XIRP2: variants seen among roughly 807,000 people sequenced by gnomAD.
The protein encoded by XIRP2 is xin actin-binding repeat-containing protein 2.
A neutral mutation model predicts 277.0 loss-of-function variants in XIRP2; 236 were observed. The observed-to-expected ratio is 0.85, with a 90% CI of 0.77 to 0.95. The LOEUF is 0.95. Among genes scored for constraint, XIRP2 ranks in the 40% least tolerant of loss-of-function variants. The probability of loss-of-function intolerance (pLI) is 0.00; values close to 1 mark genes in which losing one functional copy is unlikely to be tolerated. For missense variants in XIRP2, 4,640 were observed against 4,157.5 expected, an observed-to-expected ratio of 1.12 and a Z score of -3.19; for synonymous variants, 1,490 against 1,416.5, an observed-to-expected ratio of 1.05 and a Z score of -1.17.
intron 2 of XIRP2, among the ~76,000 whole-genome samples, chr2:167,050,655 TG>T (rs1688891533): frequency 6.6e-6 from 1 of 151,898 alleles, no homozygotes; most frequent in South Asian, 2.1e-4. Flanking sequence ...GAGGGAAAGC[TG>T]GGAGAATTGA....
At chr2:167,044,616 G>A (rs1020124234) in intron 2 of XIRP2, among the ~76,000 whole-genome samples, 1 of 152,008 alleles carries the variant, frequency 6.6e-6, no homozygotes, top group African/African-American at 2.4e-5. Context: ...TAGCATTTCT[G>A]TGCACCACTA....
At chr2:166,958,451 T>C (rs1460456936) in intron 2 of XIRP2, among the ~76,000 whole-genome samples, 4 of 151,818 alleles carry the variant, frequency 2.6e-5, no homozygotes, top group Admixed American at 2.6e-4. Flanking sequence ...CTGGTGATCT[T>C]CAGTAAGTAT....
intron 2 of XIRP2, among the ~76,000 whole-genome samples, chr2:166,946,652 T>TGATA (rs987860333): frequency 6.6e-6 from 1 of 152,084 alleles, no homozygotes; most frequent in Non-Finnish European, 1.5e-5. Context: ...GAATGATAGA[T>TGATA]GATAGATAGA....
chr2:167,151,242 A>C (rs1382142464), intron 3 of XIRP2, among the ~76,000 whole-genome samples: 1 of 152,128 alleles, frequency 6.6e-6, no homozygotes, highest in Non-Finnish European at 1.5e-5. Flanking sequence ...CAGGTATCTT[A>C]AGTGATGTCG....
intron 3 of XIRP2, among the ~76,000 whole-genome samples, chr2:167,190,305 G>A (rs1573944225): frequency 6.6e-6 from 1 of 152,036 alleles, no homozygotes; most frequent in African/African-American, 2.4e-5. Flanking sequence ...CAAACATGGG[G>A]TTGAATGTTC....
intron 2 of XIRP2, among the ~76,000 whole-genome samples, chr2:167,101,678 A>G (rs969871343): frequency 6.6e-6 from 1 of 152,166 alleles, no homozygotes; most frequent in Non-Finnish European, 1.5e-5. Flanking sequence ...GAATATGTAC[A>G]TATATACTTT....
At chr2:167,183,738 C>A (rs1238598308) in intron 3 of XIRP2, among the ~76,000 whole-genome samples, 1 of 151,708 alleles carries the variant, frequency 6.6e-6, no homozygotes, top group Non-Finnish European at 1.5e-5. Context: ...ACACCTGCTT[C>A]CTTGAAAAGT....
At chr2:166,937,044 A>G (rs1468148453) in intron 2 of XIRP2, among the ~76,000 whole-genome samples, 1 of 152,150 alleles carries the variant, frequency 6.6e-6, no homozygotes, top group Non-Finnish European at 1.5e-5. Context: ...CCTATCCATG[A>G]GCATGGAATG....
At chr2:167,096,176 C>T (rs567063189) in intron 2 of XIRP2, among the ~76,000 whole-genome samples, 3 of 152,024 alleles carry the variant, frequency 2.0e-5, no homozygotes, top group Non-Finnish European at 4.4e-5. Flanking sequence ...TCTATCTAGT[C>T]CTGGGCTTTT....
intron 2 of XIRP2, among the ~76,000 whole-genome samples, chr2:166,912,275 A>G (rs540666144): frequency 6.6e-6 from 1 of 152,170 alleles, no homozygotes; most frequent in Non-Finnish European, 1.5e-5. Flanking sequence ...CTTTTCACAT[A>G]GTCCCATATT....
At chr2:166,928,761 T>A (rs1389658271) in intron 2 of XIRP2, among the ~76,000 whole-genome samples, 1 of 152,134 alleles carries the variant, frequency 6.6e-6, no homozygotes, top group East Asian at 1.9e-4. Flanking sequence ...AATATTTGTA[T>A]GTATGTCTGA....
chr2:166,950,988 G>A (rs959394568), intron 2 of XIRP2, among the ~76,000 whole-genome samples: 3 of 151,352 alleles, frequency 2.0e-5, no homozygotes, highest in Non-Finnish European at 4.4e-5. Context: ...AACATGGAGA[G>A]TATTTGGGAT....
At chr2:167,218,391 C>A in intron 5 of XIRP2, 91 bp downstream of exon 5, 1 of 1,147,070 alleles carries the variant, frequency 8.7e-7, no homozygotes, top group Non-Finnish European at 1.1e-6. Context: ...TTTAGTGATA[C>A]ATTTATTTTC....
chr2:167,047,921 C>A (rs1688826109), intron 2 of XIRP2, among the ~76,000 whole-genome samples: 1 of 151,912 alleles, frequency 6.6e-6, no homozygotes, highest in Admixed American at 6.6e-5. Flanking sequence ...GTTAATTAAA[C>A]TTTCTTAATC....
At chr2:167,208,178 T>C (rs114572270) in intron 3 of XIRP2, among the ~76,000 whole-genome samples, 1,805 of 152,336 alleles carry the variant, frequency 0.012, 32 homozygotes, top group African/African-American at 0.04. Flanking sequence ...TGTATTAATA[T>C]TTATAATGCT....
At chr2:167,123,649 T>G (rs1691120716) in intron 2 of XIRP2, among the ~76,000 whole-genome samples, 1 of 152,150 alleles carries the variant, frequency 6.6e-6, no homozygotes, top group African/African-American at 2.4e-5. Flanking sequence ...TCCCTCTTGC[T>G]GCCTCTTCAC....
At chr2:166,888,629 T>C (rs946899892) in intron 1 of XIRP2, 72 bp downstream of exon 1, 1 of 152,206 alleles carries the variant, frequency 6.6e-6, no homozygotes, top group Admixed American at 6.5e-5. Flanking sequence ...TTTGATAGTT[T>C]CTGACAGGAC....
intron 2 of XIRP2, among the ~76,000 whole-genome samples, chr2:167,021,042 G>A (rs1284623649): frequency 1.3e-5 from 2 of 151,964 alleles, no homozygotes; most frequent in Non-Finnish European, 2.9e-5. Context: ...TAGAGTCTTG[G>A]TTCTCATCCC....
In XIRP2 at chr2:167,208,912, A is replaced by C. The variant is rs1693938105; in HGVS notation, c.563-1823A>C. On this transcript the variant is annotated intron_variant, in intron 3 of 10. Transcript: ENST00000409195. ...ATTCACATCAAAGTAAGAACAGCAC[A>C]GCTGAATGTACACTGAATTCATCTG... Among the ~76,000 whole-genome samples, 6 of 152,348 alleles carry C rather than the reference A, an allele frequency of 3.9e-5. 1 individual carries two copies. The South Asian group carries it at 1.2e-3, about 32-fold the overall frequency.
Sources: gnomAD v4.1 joint callset for allele counts (sites outside exome capture counted in the v4.1 genomes callset) on GRCh38, gnomAD v4.1.1 for gene constraint, MANE v1.5 for transcripts, NCBI Gene and HGNC (gene_info 2026-07-23, HGNC 2026-07-21) for gene names.